The following NDC1 variants were observed in gnomAD, a reference collection of about 807,000 sequenced individuals.
NDC1 encodes NDC1 transmembrane nucleoporin.
NDC1 carries 24 observed loss-of-function variants against 89.8 expected under a neutral mutation model. The ratio of observed to expected loss-of-function variants is 0.27; its 90% CI spans 0.19 to 0.38. NDC1 has a LOEUF of 0.38. Ranked by LOEUF, NDC1 falls within the 10% of genes least tolerant of loss-of-function variation. The pLI, the probability that NDC1 is intolerant of heterozygous loss-of-function variation, is 1.00. For missense variants in NDC1, 728 were observed against 797.6 expected, an observed-to-expected ratio of 0.91 and a Z score of 1.05; for synonymous variants, 296 against 284.8, an observed-to-expected ratio of 1.04 and a Z score of -0.39.
chr1:53,821,466 T>C (rs1345386355), intron 5 of NDC1, among the ~76,000 whole-genome samples: 1 of 152,122 alleles, frequency 6.6e-6, no homozygotes, highest in Non-Finnish European at 1.5e-5. Flanking sequence ...AAACAAAAAG[T>C]AGCCCATATA....
At chr1:53,832,918 G>A (rs1649111571) in intron 2 of NDC1, among the ~76,000 whole-genome samples, 1 of 152,044 alleles carries the variant, frequency 6.6e-6, no homozygotes, top group South Asian at 2.1e-4. Flanking sequence ...AGGCTGAAGT[G>A]GGAAGATCAC....
In NDC1 at chr1:53,809,754, G is replaced by C. The variant is rs750301408; in HGVS notation, c.704-8C>G. On this transcript the variant is annotated splice_region_variant and splice_polypyrimidine_tract_variant and intron_variant, in intron 6 of 17. Coordinates refer to ENST00000371429, the MANE Select transcript of NDC1 (RefSeq NM_018087.5). ...AAGCTTTGGGAATATAGCCTGAAGGGAAAAAATACCAAGCTATGAACATAA... is the reference window on the plus strand; with the variant it reads ...AAGCTTTGGGAATATAGCCTGAAGGCAAAAAATACCAAGCTATGAACATAA... 1 of 1,609,300 alleles carries C rather than the reference G, an allele frequency of 6.2e-7. No individual in the cohort carries two copies. Among genetic ancestry groups the C allele is most frequent in the Non-Finnish European group, 8.5e-7 (1 of 1,176,324 alleles).
At chr1:53,786,494 C>G (rs1440338630) in intron 16 of NDC1, among the ~76,000 whole-genome samples, 3 of 152,218 alleles carry the variant, frequency 2.0e-5, no homozygotes, top group South Asian at 2.1e-4. Context: ...GGGCATTTAT[C>G]TGCATGGGTC....
At chr1:53,808,989 C>T (rs1174332444) in intron 7 of NDC1, among the ~76,000 whole-genome samples, 3 of 152,152 alleles carry the variant, frequency 2.0e-5, no homozygotes, top group Non-Finnish European at 2.9e-5. Context: ...GACTTTTATT[C>T]GGCAAATACA....
At chr1:53,809,420 T>G (rs1422336832) in intron 7 of NDC1, among the ~76,000 whole-genome samples, 1 of 152,142 alleles carries the variant, frequency 6.6e-6, no homozygotes, top group African/African-American at 2.4e-5. Context: ...GGCACAATTA[T>G]AGCTCACCGC....
intron 5 of NDC1, among the ~76,000 whole-genome samples, chr1:53,825,468 T>C (rs1037146480): frequency 1.3e-4 from 14 of 109,184 alleles, no homozygotes; most frequent in African/African-American, 7.4e-4. Flanking sequence ...AAAAAGAAGC[T>C]ACACAGAGTA....
At chr1:53,771,259 G>A (rs1218048755) in intron 17 of NDC1, 1 of 152,058 alleles carries the variant, frequency 6.6e-6, no homozygotes, top group African/African-American at 2.4e-5. Context: ...ATATCTTGGA[G>A]GCAGTCTAGT....
intron 6 of NDC1, among the ~76,000 whole-genome samples, chr1:53,812,867 G>A (rs1431320864): frequency 2.6e-5 from 4 of 152,164 alleles, no homozygotes; most frequent in Admixed American, 2.6e-4. Flanking sequence ...GAAGCACCAG[G>A]TAACCTATAA....
At chr1:53,786,984 C>T (rs1196389238) in intron 16 of NDC1, among the ~76,000 whole-genome samples, 174 bp downstream of exon 16, 2 of 152,226 alleles carry the variant, frequency 1.3e-5, no homozygotes, top group African/African-American at 4.8e-5. Flanking sequence ...GCATGAGCCA[C>T]ACCAGCATCT....
At chr1:53,797,281 T>C (rs1000306529) in intron 11 of NDC1, 137 bp from the exon 12 acceptor site, 6 of 799,706 alleles carry the variant, frequency 7.5e-6, no homozygotes, top group African/African-American at 5.2e-5. Flanking sequence ...CCATTTATGA[T>C]TATAGTCTCA....
In NDC1 at chr1:53,818,993, G is replaced by A; in HGVS notation, c.681C>T (p.Phe227=). Reference sequence around the variant, plus strand: ...TACCAAGAAAATAATATAAAATGCAGAAATTTCTAACCAGGAACAGTGATT... The same window carrying A: ...TACCAAGAAAATAATATAAAATGCAAAAATTTCTAACCAGGAACAGTGATT... ...CVESLFLVRN[F]CILYYFLGYI... is the part of the protein sequence containing the mutation. Residue 227 remains phenylalanine (F), a synonymous_variant, in exon 6 of 18, where the codon TTC becomes TTT. Transcript: ENST00000371429. 1 of 1,545,884 alleles carries A rather than the reference G, an allele frequency of 6.5e-7. No homozygotes were observed. Among genetic ancestry groups the A allele is most frequent in the Non-Finnish European group, 8.8e-7 (1 of 1,138,978 alleles).
intron 17 of NDC1, among the ~76,000 whole-genome samples, chr1:53,770,264 G>C (rs1330566489): frequency 6.6e-6 from 1 of 152,018 alleles, no homozygotes; most frequent in Non-Finnish European, 1.5e-5. Flanking sequence ...AACTAAGGCG[G>C]AATTTCATTC....
intron 14 of NDC1, among the ~76,000 whole-genome samples, chr1:53,792,094 C>G (rs565213109): frequency 1.0e-3 from 156 of 152,176 alleles, no homozygotes; most frequent in African/African-American, 3.7e-3. Context: ...AGGCGCCCAC[C>G]ACTGCGCCTG....
Position 53,810,541 on chromosome 1 carries a change from T to C in NDC1, c.704-795A>G, listed in dbSNP as rs183448225. ...AAAGAGCAAATCATGGAAATGATCA[T>C]AGTCACAAAAATAGCCCAAATAAAC... On this transcript the variant is annotated intron_variant, in intron 6 of 17. Transcript: ENST00000371429. Among the ~76,000 whole-genome samples, 378 of 151,710 alleles carry C rather than the reference T, an allele frequency of 2.5e-3. 2 individuals carry two copies. Among genetic ancestry groups the C allele is most frequent in the African/African-American group, 7.8e-3 (323 of 41,396 alleles).
At position 53,800,865 on chromosome 1, in the gene NDC1, C is replaced by T; in HGVS notation, c.1067-17G>A. 4 of 1,553,292 alleles carry T rather than the reference C, an allele frequency of 2.6e-6. No individual in the cohort carries two copies. Among genetic ancestry groups the T allele is most frequent in the Non-Finnish European group, 3.5e-6 (4 of 1,154,202 alleles). On this transcript the variant is annotated splice_polypyrimidine_tract_variant and intron_variant, in intron 10 of 17. Coordinates refer to ENST00000371429, the MANE Select transcript of NDC1 (RefSeq NM_018087.5). ...GATGTCCACCTAGGAGGTCCAAACA[C>T]CAGCTTTTAAAATGTAAATAATCTT...
chr1:53,827,133 G>A (rs950220187), intron 4 of NDC1, among the ~76,000 whole-genome samples: 10 of 151,958 alleles, frequency 6.6e-5, no homozygotes, highest in East Asian at 1.9e-4. Flanking sequence ...GATATTAAGG[G>A]GGAAAAAACA....
intron 7 of NDC1, among the ~76,000 whole-genome samples, chr1:53,809,405 G>A (rs1435496559): frequency 1.3e-5 from 2 of 152,082 alleles, no homozygotes; most frequent in African/African-American, 4.8e-5. Flanking sequence ...AGGCTGGAGT[G>A]CAGTGGCACA....
rs372889279 is a variant in NDC1 at position 53,796,896 on chromosome 1, C to T, written c.1468+3G>A. 2 of 1,613,142 alleles carry T rather than the reference C, an allele frequency of 1.2e-6. No homozygotes were observed. The highest frequency in any genetic ancestry group is 2.7e-5 in the African/African-American group (2 of 74,820). Reference sequence around the variant, plus strand: ...AAAATCTTAAAAAATATATAATTCTCACCAGAAGCTGATGTCCACAATCTT... The same window carrying T: ...AAAATCTTAAAAAATATATAATTCTTACCAGAAGCTGATGTCCACAATCTT... On this transcript the variant is annotated splice_donor_region_variant and intron_variant, in intron 12 of 17. Coordinates refer to ENST00000371429, the MANE Select transcript of NDC1 (RefSeq NM_018087.5).
At chr1:53,782,319 CA>C (rs1157315170) in intron 16 of NDC1, among the ~76,000 whole-genome samples, 1 of 151,972 alleles carries the variant, frequency 6.6e-6, no homozygotes. Context: ...TAATTCAGGA[CA>C]AAAATGCCAA....
Sources: gnomAD v4.1 joint callset for allele counts (sites outside exome capture counted in the v4.1 genomes callset) on GRCh38, gnomAD v4.1.1 for gene constraint, MANE v1.5 for transcripts, NCBI Gene and HGNC (gene_info 2026-07-23, HGNC 2026-07-21) for gene names.